The following SUDS3 variants were observed in gnomAD, a reference collection of about 807,000 sequenced individuals.
The protein encoded by SUDS3 is SIN3A corepressor complex component SDS3.
A neutral mutation model predicts 53.5 loss-of-function variants in SUDS3; 23 were observed. That is an observed-to-expected ratio of 0.43 (90% CI 0.31 to 0.61). The LOEUF (loss-of-function observed/expected upper bound fraction) is 0.61, where lower values mean the gene tolerates loss of function less well. SUDS3 is among the 20% of genes least tolerant of loss of function. SUDS3 has a pLI of 0.10. For synonymous variants in SUDS3, 150 were observed against 148.5 expected (o/e 1.01, Z -0.08); for missense variants, 291 against 405.9 (o/e 0.72, Z 2.43).
Position 118,403,556 on chromosome 12 carries a change from A to G in SUDS3, c.803+39A>G, listed in dbSNP as rs772727354. 10 of 1,527,474 alleles carry G rather than the reference A, an allele frequency of 6.5e-6. No homozygotes were observed. The East Asian group carries it at 1.4e-4, about 21-fold the overall frequency. The allele number at this position is 1,527,474 out of a possible 1,614,324, so 94.6% of individuals were successfully genotyped here. A position where few individuals can be genotyped will look rare whatever the true frequency, so the allele number is the denominator to read the frequency against. On this transcript the variant is annotated intron_variant, in intron 10 of 11. Transcript: ENST00000543473. ...AAACCTGGACTAGTAAGAGTCTCAT[A>G]TGAACCACTTGGAAAGAGGGCTGGG...
At chr12:118,407,868 G>A (rs182234145) in intron 10 of SUDS3, among the ~76,000 whole-genome samples, 5 of 151,090 alleles carry the variant, frequency 3.3e-5, no homozygotes, top group Non-Finnish European at 5.9e-5. Flanking sequence ...ACAGGCACAC[G>A]CCAATATGCC....
intron 10 of SUDS3, among the ~76,000 whole-genome samples, chr12:118,406,453 G>C (rs1015496322): frequency 2.0e-5 from 3 of 152,070 alleles, no homozygotes; most frequent in African/African-American, 7.2e-5. Flanking sequence ...CTACCTCCTC[G>C]CCCCACTTTT....
chr12:118,389,315 G>T (rs2046143886), intron 4 of SUDS3, among the ~76,000 whole-genome samples: 1 of 152,052 alleles, frequency 6.6e-6, no homozygotes, highest in Non-Finnish European at 1.5e-5. Context: ...GGAGACCACT[G>T]CTTTAAAACA....
chr12:118,401,822 T>C lies in SUDS3; in HGVS notation c.675+2T>C, dbSNP rs1051877843. On this transcript the variant is annotated splice_donor_variant, in intron 8 of 11. Coordinates refer to ENST00000543473, the MANE Select transcript of SUDS3 (RefSeq NM_022491.3). LOFTEE classifies it high-confidence loss of function. ...GAGGATCTGAGAACATTAAATAAGG[T>C]ACGGTTTGACTTTTTTGATTTATTT... is the stretch of plus-strand genomic sequence containing the variant. The C allele has an allele frequency of 3.1e-6, 5 of 1,613,602 alleles. No individual in the cohort carries two copies. Among genetic ancestry groups the C allele is most frequent in the Non-Finnish European group, 4.2e-6 (5 of 1,179,688 alleles).
chr12:118,384,843 AAAG>A (rs1351105257), intron 3 of SUDS3, among the ~76,000 whole-genome samples: 3 of 151,882 alleles, frequency 2.0e-5, no homozygotes, highest in Non-Finnish European at 2.9e-5. Context: ...AAAAAAAAAA[AAAG>A]AGTGCAGGCT....
intron 4 of SUDS3, among the ~76,000 whole-genome samples, chr12:118,386,819 C>T (rs539107144): frequency 9.2e-5 from 14 of 152,144 alleles, no homozygotes; most frequent in African/African-American, 3.1e-4. Context: ...TAAGGAACAC[C>T]GAGTTAAAGA....
chr12:118,398,710 G>T (rs1168492377), intron 6 of SUDS3, among the ~76,000 whole-genome samples: 1 of 143,094 alleles, frequency 7.0e-6, no homozygotes, highest in Non-Finnish European at 1.5e-5. Flanking sequence ...AAGCTGCCCT[G>T]CCTGTTCTGC....
At chr12:118,410,270 A>G (rs535181342) in intron 10 of SUDS3, among the ~76,000 whole-genome samples, 46 of 152,314 alleles carry the variant, frequency 3.0e-4, no homozygotes, top group Middle Eastern at 3.4e-3. Context: ...CTTGTTGGTG[A>G]CTGACTTGGA....
At chr12:118,395,665 A>G (rs1298657945) in intron 6 of SUDS3, among the ~76,000 whole-genome samples, 1 of 151,892 alleles carries the variant, frequency 6.6e-6, no homozygotes, top group Non-Finnish European at 1.5e-5. Context: ...TTGGCCTCCA[A>G]AGACCTAACA....
Position 118,389,965 on chromosome 12 carries a change from C to T in SUDS3, c.360+19C>T, listed in dbSNP as rs2046151003. On this transcript the variant is annotated intron_variant, in intron 5 of 11. Coordinates refer to ENST00000543473, the MANE Select transcript of SUDS3 (RefSeq NM_022491.3). The stretch of plus-strand genomic sequence containing the variant: ...GCTGGAAGTAAGTACCACGGATCTT[C>T]TGGGTTTGCAGGCCCTGTCTGAGAC... The T allele has an allele frequency of 2.2e-5, 36 of 1,613,998 alleles. 1 individual carries two copies. Among genetic ancestry groups the T allele is most frequent in the Non-Finnish European group, 3.1e-5 (36 of 1,179,874 alleles).
chr12:118,410,788 G>A lies in SUDS3; in HGVS notation c.804-285G>A, dbSNP rs12423220. On this transcript the variant is annotated intron_variant, in intron 10 of 11. Coordinates refer to ENST00000543473, the MANE Select transcript of SUDS3 (RefSeq NM_022491.3). ...CTTTTTTTGTATTTTTAGTAGAGAC[G>A]GGGTTTTACCGTGTTAGCCAGGATG... Among the ~76,000 whole-genome samples the A allele has an allele frequency of 7.4e-4, 113 of 151,830 alleles. 3 individuals are homozygous for A. Among genetic ancestry groups the A allele is most frequent in the Admixed American group, 5.0e-3 (76 of 15,228 alleles).
intron 4 of SUDS3, among the ~76,000 whole-genome samples, chr12:118,387,724 T>A (rs920872522): frequency 6.6e-6 from 1 of 152,184 alleles, no homozygotes; most frequent in Non-Finnish European, 1.5e-5. Flanking sequence ...GCTAATTTTG[T>A]ATTTTTAGTA....
rs961687155 is a variant in SUDS3, at chr12:118,402,016, A to G, written c.697+12A>G. The G allele has an allele frequency of 1.9e-6, 3 of 1,613,868 alleles. No homozygotes were observed. The highest frequency in any genetic ancestry group is 2.5e-6 in the Non-Finnish European group (3 of 1,179,822). ...ACCCAAGAGACCAGGTGAGTGCATG[A>G]TGTGTTGGCATTTGTGCAACCTTTT... is the stretch of plus-strand genomic sequence containing the variant. On this transcript the variant is annotated intron_variant, in intron 9 of 11. Transcript: ENST00000543473.
At chr12:118,383,232 A>G (rs534259240) in intron 2 of SUDS3, among the ~76,000 whole-genome samples, 2 of 152,326 alleles carry the variant, frequency 1.3e-5, no homozygotes, top group African/African-American at 4.8e-5. Flanking sequence ...TATGTTGGAC[A>G]GTGTTCTTTC....
Position 118,386,116 on chromosome 12 carries a change from A to G in SUDS3, c.271A>G (p.Thr91Ala). The change falls in exon 4 of 12, where the codon ACA (threonine) becomes GCA (alanine). Residue 91 changes from threonine to alanine, a missense_variant and splice_region_variant. By Grantham distance (58) the Thr-to-Ala change is moderately conservative. Transcript: ENST00000543473. The part of the protein sequence containing the change: ...KRQLQQLQEG[T>A]LQEYQKRMKK... Reference sequence around the variant, plus strand: ...ATTTTTCAAATGTTCAAAATCAGGTACATTACAGGAATATCAGAAGAGAAT... The same window carrying G: ...ATTTTTCAAATGTTCAAAATCAGGTGCATTACAGGAATATCAGAAGAGAAT... 6.3e-7 allele frequency: 1 copy of G among 1,590,970 alleles called. No homozygotes were observed. Among genetic ancestry groups the G allele is most frequent in the Non-Finnish European group, 8.6e-7 (1 of 1,167,452 alleles).
At position 118,417,939 on chromosome 12, in the gene SUDS3, A is replaced by G. The variant is rs1355041041; in HGVS notation, c.*3506A>G. ...GGTGTTGACCCTTAAATGTTTGTGC[A>G]CTCTTCTTGTTGCAGATAAAAGTCA... is the stretch of plus-strand genomic sequence containing the variant. On this transcript the variant is annotated 3_prime_UTR_variant, in exon 12 of 12. Transcript: ENST00000543473. 1 of 152,048 alleles carries G rather than the reference A, an allele frequency of 6.6e-6. No individual in the cohort carries two copies. Among genetic ancestry groups the G allele is most frequent in the Non-Finnish European group, 1.5e-5 (1 of 68,018 alleles). The allele number at this position is 152,048 out of a possible 1,614,324, so 9.4% of individuals were successfully genotyped here.
rs937060188 is a variant in SUDS3, at chr12:118,416,783, C to T, written c.*2350C>T. 1.3e-5 allele frequency: 2 copies of T among 152,158 alleles called. No homozygotes were observed. The highest frequency in any genetic ancestry group is 4.8e-5 in the African/African-American group (2 of 41,440). 9.4% of individuals were successfully genotyped at this position (152,158 alleles called of 1,614,324 possible). A position where few individuals can be genotyped will look rare whatever the true frequency, so the allele number is the denominator to read the frequency against. On this transcript the variant is annotated 3_prime_UTR_variant, in exon 12 of 12. Transcript: ENST00000543473. The stretch of plus-strand genomic sequence containing the variant: ...AAGCCTTACTAAAGGGGAAGACAGA[C>T]TTTGAAGTTTCTAGACGAGAAGGAG...
chr12:118,379,489 T>G (rs2046033939), intron 1 of SUDS3, among the ~76,000 whole-genome samples: 1 of 152,180 alleles, frequency 6.6e-6, no homozygotes, highest in Non-Finnish European at 1.5e-5. Context: ...GCAAATACTA[T>G]GCCATTTTGT....
rs1351525599 is a variant in SUDS3, at chr12:118,417,682, T to G, written c.*3249T>G. 1 of 151,970 alleles carries G rather than the reference T, an allele frequency of 6.6e-6. No individual in the cohort carries two copies. Among genetic ancestry groups the G allele is most frequent in the East Asian group, 1.9e-4 (1 of 5,184 alleles). The allele number at this position is 151,970 out of a possible 1,614,324, so 9.4% of individuals were successfully genotyped here. Reference sequence around the variant, plus strand: ...GTAAAATATAAAAGGTATAGGTTTTTTTTTTTTTTTAAAGAAAACAATAAA... The same window carrying G: ...GTAAAATATAAAAGGTATAGGTTTTGTTTTTTTTTTAAAGAAAACAATAAA... On this transcript the variant is annotated 3_prime_UTR_variant, in exon 12 of 12. Transcript: ENST00000543473.
Sources: gnomAD v4.1 joint callset for allele counts (sites outside exome capture counted in the v4.1 genomes callset) on GRCh38, gnomAD v4.1.1 for gene constraint, MANE v1.5 for transcripts, NCBI Gene and HGNC (gene_info 2026-07-23, HGNC 2026-07-21) for gene names.